ST7: variants seen among roughly 807,000 people sequenced by gnomAD.
ST7 encodes the protein suppression of tumorigenicity 7, also known as suppressor of tumorigenicity 7 protein.
Under a neutral mutation model 78.7 loss-of-function variants are expected in ST7, and 28 were observed. The observed-to-expected ratio is 0.36, with a 90% CI of 0.26 to 0.49. The LOEUF (loss-of-function observed/expected upper bound fraction) is 0.49, where lower values mean the gene tolerates loss of function less well. Ranked by LOEUF, ST7 falls within the 20% of genes least tolerant of loss-of-function variation. The pLI is 0.99. For missense variants in ST7, 418 were observed against 696.0 expected (o/e 0.60, Z 4.49); for synonymous variants, 247 against 249.6 (o/e 0.99, Z 0.10).
Position 117,089,479 on chromosome 7 carries a change from TAAAAC to T in ST7, c.152-10268_152-10264del, listed in dbSNP as rs376126298. On this transcript the variant is annotated intron_variant, in intron 1 of 15. Coordinates refer to ENST00000323984, the MANE Select transcript of ST7 (RefSeq NM_001369598.1). ...TGACAAAAATAACATGAAGAAGACT[TAAAAC>T]AAAACAAAACAAAAAAAAACCTGTG... Among the ~76,000 whole-genome samples, 381 of 151,104 alleles carry T rather than the reference TAAAAC, an allele frequency of 2.5e-3. 1 individual carries two copies. The highest frequency in any genetic ancestry group is 8.6e-3 in the African/African-American group (356 of 41,204).
intron 1 of ST7, among the ~76,000 whole-genome samples, chr7:117,040,007 A>T (rs751149441): frequency 6.6e-6 from 1 of 152,224 alleles, no homozygotes; most frequent in Non-Finnish European, 1.5e-5. Context: ...TAAGAAATTC[A>T]GTCAGGTAGG....
Position 117,216,891 on chromosome 7 carries a change from G to A in ST7, c.1406-2193G>A, listed in dbSNP as rs1348257912. 2.6e-5 allele frequency among the ~76,000 whole-genome samples: 4 copies of A among 151,928 alleles called. No individual in the cohort carries two copies. In the East Asian group the frequency reaches 7.7e-4, roughly 29 times the overall value. ...GGAAGAGGGTGTGGGTGGGTGGGTG[G>A]CTGTGTGTACACATGCACTCTTTTT... is the stretch of plus-strand genomic sequence containing the variant. On this transcript the variant is annotated intron_variant, in intron 13 of 15. Transcript: ENST00000323984.
intron 1 of ST7, among the ~76,000 whole-genome samples, chr7:116,975,433 A>C (rs1341687719): frequency 1.3e-5 from 2 of 152,038 alleles, no homozygotes; most frequent in East Asian, 1.9e-4. Context: ...TTTGAGATGG[A>C]ATCTCGCTTT....
rs1256249118 is a variant in ST7 at position 116,954,101 on chromosome 7, C to CT, written c.151+411dup. On this transcript the variant is annotated intron_variant, in intron 1 of 15. Coordinates refer to ENST00000323984, the MANE Select transcript of ST7 (RefSeq NM_001369598.1). ...GTTAGACCGAGTCCTTCCTCACGCC[C>CT]TCCCGGCTGTGGGTGCCAAGCGGCC... The CT allele has an allele frequency of 2.0e-5, 3 of 152,018 alleles. No individual in the cohort carries two copies. The East Asian group carries it at 5.9e-4, about 30-fold the overall frequency. The allele number at this position is 152,018 out of a possible 1,614,324, so 9.4% of individuals were successfully genotyped here. A position where few individuals can be genotyped will look rare whatever the true frequency, so the allele number is the denominator to read the frequency against.
chr7:117,005,923 TTTTA>T (rs1356382076), intron 1 of ST7, among the ~76,000 whole-genome samples: 2 of 152,218 alleles, frequency 1.3e-5, no homozygotes, highest in Admixed American at 6.5e-5. Context: ...TTCAGAGATG[TTTTA>T]TTTAAGAGAG....
chr7:117,039,051 T>A (rs972532374), intron 1 of ST7, among the ~76,000 whole-genome samples: 15 of 152,310 alleles, frequency 9.8e-5, no homozygotes, highest in African/African-American at 3.6e-4. Context: ...TGAAACATAT[T>A]TTTTTAGCTA....
chr7:117,222,724 C>A, intron 15 of ST7: 1 of 713,378 alleles, frequency 1.4e-6, no homozygotes, highest in Non-Finnish European at 2.5e-6. Context: ...ACTGATCTTG[C>A]CACAGATGAG....
At chr7:117,091,369 T>TA (rs768775961) in intron 1 of ST7, among the ~76,000 whole-genome samples, 40 of 152,230 alleles carry the variant, frequency 2.6e-4, no homozygotes, top group Non-Finnish European at 4.7e-4. Flanking sequence ...AACTGATTTT[T>TA]AAAAAACATG....
intron 9 of ST7, among the ~76,000 whole-genome samples, chr7:117,142,756 C>T (rs1198167882): frequency 2.0e-5 from 3 of 152,108 alleles, no homozygotes; most frequent in South Asian, 2.1e-4. Context: ...GGACTACAGG[C>T]GCATGCCACC....
intron 9 of ST7, among the ~76,000 whole-genome samples, chr7:117,164,296 C>T (rs1048488722): frequency 2.0e-5 from 3 of 151,512 alleles, no homozygotes; most frequent in South Asian, 2.1e-4. Context: ...TATTCATACA[C>T]AAAAGAATAA....
chr7:117,225,535 C>T (rs2116217399), intron 15 of ST7, among the ~76,000 whole-genome samples: 1 of 152,254 alleles, frequency 6.6e-6, no homozygotes, highest in South Asian at 2.1e-4. Flanking sequence ...CTCGACCTGC[C>T]CCCAGAGTCT....
At chr7:117,098,342 C>G (rs969626657) in intron 1 of ST7, among the ~76,000 whole-genome samples, 5 of 151,916 alleles carry the variant, frequency 3.3e-5, no homozygotes, top group Non-Finnish European at 7.4e-5. Context: ...CCCATCCCTC[C>G]TCCTGTCCAC....
At chr7:117,174,961 C>G (rs1808245800) in intron 10 of ST7, among the ~76,000 whole-genome samples, 1 of 152,210 alleles carries the variant, frequency 6.6e-6, no homozygotes, top group African/African-American at 2.4e-5. Context: ...TCTCTCACTC[C>G]TCTTACAAAG....
intron 1 of ST7, among the ~76,000 whole-genome samples, chr7:117,088,017 A>G (rs1257117082): frequency 2.6e-5 from 4 of 152,248 alleles, no homozygotes; most frequent in African/African-American, 9.6e-5. Context: ...TTGGCATTTG[A>G]GCCAGCATTC....
chr7:117,111,634 A>G (rs994910012), intron 2 of ST7, among the ~76,000 whole-genome samples: 12 of 152,146 alleles, frequency 7.9e-5, no homozygotes, highest in Non-Finnish European at 5.9e-5. Context: ...TCCTATGCCT[A>G]TACCCATCCA....
chr7:117,130,688 C>A (rs1743932576), intron 5 of ST7, 82 bp downstream of exon 5: 7 of 907,554 alleles, frequency 7.7e-6, no homozygotes, highest in East Asian at 2.6e-5. Context: ...AATATCCACT[C>A]TGTAAAACTC....
At chr7:117,223,658 T>C (rs1347088905) in intron 15 of ST7, 2 of 152,490 alleles carry the variant, frequency 1.3e-5, no homozygotes, top group African/African-American at 4.8e-5. Context: ...CATTCTTTTA[T>C]ACTCAGCTTT....
At chr7:117,101,805 C>G (rs979779332) in intron 2 of ST7, among the ~76,000 whole-genome samples, 12 of 152,300 alleles carry the variant, frequency 7.9e-5, no homozygotes, top group African/African-American at 2.6e-4. Context: ...TTCTGTTTCT[C>G]TAGAACTACT....
chr7:117,042,544 G>A (rs748605391), intron 1 of ST7, among the ~76,000 whole-genome samples: 1 of 152,110 alleles, frequency 6.6e-6, no homozygotes, highest in Non-Finnish European at 1.5e-5. Context: ...GAGATTAGAC[G>A]AGTATCACTC....
Sources: gnomAD v4.1 joint callset for allele counts (sites outside exome capture counted in the v4.1 genomes callset) on GRCh38, gnomAD v4.1.1 for gene constraint, MANE v1.5 for transcripts, NCBI Gene and HGNC (gene_info 2026-07-23, HGNC 2026-07-21) for gene names.